The following TSHZ2 variants were observed in gnomAD, a reference collection of about 807,000 sequenced individuals.
TSHZ2 encodes teashirt homolog 2.
A neutral mutation model predicts 74.4 loss-of-function variants in TSHZ2; 21 were observed. The observed-to-expected ratio is 0.28, with a 90% CI of 0.20 to 0.41. The LOEUF is 0.41. Ranked by LOEUF, TSHZ2 falls within the 10% of genes least tolerant of loss-of-function variation. The probability of loss-of-function intolerance (pLI) is 1.00; values close to 1 mark genes in which losing one functional copy is unlikely to be tolerated. For synonymous variants in TSHZ2, 540 were observed against 515.3 expected (o/e 1.05, Z -0.65); for missense variants, 1,244 against 1,293.5 (o/e 0.96, Z 0.59).
intron 1 of TSHZ2, among the ~76,000 whole-genome samples, chr20:53,127,420 A>G (rs1159359787): frequency 6.6e-6 from 1 of 152,262 alleles, no homozygotes; most frequent in East Asian, 1.9e-4. Context: ...GAAAGAAGCT[A>G]TGGCTGGGCA....
intron 2 of TSHZ2, among the ~76,000 whole-genome samples, chr20:53,343,287 G>A (rs1980295662): frequency 1.3e-5 from 2 of 152,130 alleles, no homozygotes; most frequent in Non-Finnish European, 2.9e-5. Context: ...TTTCTAACAA[G>A]ACGGCAGGTG....
intron 1 of TSHZ2, among the ~76,000 whole-genome samples, chr20:53,158,217 A>G (rs1231972831): frequency 6.6e-6 from 1 of 152,196 alleles, no homozygotes; most frequent in African/African-American, 2.4e-5. Context: ...TGAGGAAGGC[A>G]AAAGTGGAAG....
chr20:53,242,423 C>A (rs2123697385), intron 1 of TSHZ2, among the ~76,000 whole-genome samples: 1 of 152,262 alleles, frequency 6.6e-6, no homozygotes, highest in South Asian at 2.1e-4. Context: ...TTAACTCATT[C>A]ACCCTGAAGT....
At chr20:53,068,879 T>C (rs1985079964) in intron 1 of TSHZ2, among the ~76,000 whole-genome samples, 1 of 151,988 alleles carries the variant, frequency 6.6e-6, no homozygotes. Context: ...TGTTGTTTTT[T>C]TTTTCCATAA....
At chr20:52,999,315 G>A (rs374999345) in intron 1 of TSHZ2, among the ~76,000 whole-genome samples, 111 of 152,310 alleles carry the variant, frequency 7.3e-4, no homozygotes, top group African/African-American at 2.6e-3. Context: ...CCTGCTCTCA[G>A]GGGACAGAAG....
At chr20:53,364,971 A>G (rs1981205026) in intron 2 of TSHZ2, among the ~76,000 whole-genome samples, 1 of 152,244 alleles carries the variant, frequency 6.6e-6, no homozygotes, top group African/African-American at 2.4e-5. Context: ...GCGTGGAGGC[A>G]CTAATGGCTG....
chr20:53,217,087 G>A (rs762372502), intron 1 of TSHZ2, among the ~76,000 whole-genome samples: 1 of 152,214 alleles, frequency 6.6e-6, no homozygotes, highest in African/African-American at 2.4e-5. Flanking sequence ...ATTCCAGAAA[G>A]TCACATTGCT....
At position 53,257,815 on chromosome 20, in the gene TSHZ2, C is replaced by T. The variant is rs553993495; in HGVS notation, c.*8+1244C>T. 8.5e-5 allele frequency among the ~76,000 whole-genome samples: 13 copies of T among 152,282 alleles called. 1 individual carries two copies. The South Asian group carries it at 2.3e-3, about 27-fold the overall frequency. Reference sequence around the variant, plus strand: ...TCCTAGTTAATTAGCTCTTAATTCACGATCGAATATGAAAAACTAATAACA... The same window carrying T: ...TCCTAGTTAATTAGCTCTTAATTCATGATCGAATATGAAAAACTAATAACA... On this transcript the variant is annotated intron_variant, in intron 2 of 2. Transcript: ENST00000371497.
chr20:53,254,014 G>A lies in TSHZ2; in HGVS notation c.556G>A (p.Val186Ile), dbSNP rs377066962. The A allele has an allele frequency of 1.6e-5, 26 of 1,613,994 alleles. No individual in the cohort carries two copies. The highest frequency in any genetic ancestry group is 4.0e-5 in the African/African-American group (3 of 74,908). Residue 186 changes from valine (V) to isoleucine (I), a missense_variant, in exon 2 of 3, where the codon GTC becomes ATC. By Grantham distance (29) the Val-to-Ile change is conservative. Coordinates refer to ENST00000371497, the MANE Select transcript of TSHZ2 (RefSeq NM_173485.6). Reference sequence around the variant, plus strand: ...GCAGCAGAACTTGCCTTCTCGGTCCGTCTCGAAACCCAGCCTGTTCAGCTC... The same window carrying A: ...GCAGCAGAACTTGCCTTCTCGGTCCATCTCGAAACCCAGCCTGTTCAGCTC... ...SLQQNLPSRS[V>I]SKPSLFSSVQ...
intron 1 of TSHZ2, among the ~76,000 whole-genome samples, chr20:53,049,164 G>A (rs546955490): frequency 5.3e-5 from 8 of 152,224 alleles, no homozygotes; most frequent in East Asian, 1.9e-4. Flanking sequence ...GATGAACATC[G>A]GCTATTGGTA....
rs893286726 is a variant in TSHZ2 at position 53,494,569 on chromosome 20, C to A, written c.*7434C>A. The A allele has an allele frequency of 6.6e-6, 1 of 151,508 alleles. No individual in the cohort carries two copies. The highest frequency in any genetic ancestry group is 1.5e-5 in the Non-Finnish European group (1 of 67,944). The allele number at this position is 151,508 out of a possible 1,614,324, so 9.4% of individuals were successfully genotyped here. A position where few individuals can be genotyped will look rare whatever the true frequency, so the allele number is the denominator to read the frequency against. ...ACAATTTTATCACTAGAAATAAATT[C>A]CGATGGTGGAAACGAAGAAAACCCT... On this transcript the variant is annotated 3_prime_UTR_variant, in exon 3 of 3. Coordinates refer to ENST00000371497, the MANE Select transcript of TSHZ2 (RefSeq NM_173485.6).
chr20:53,190,139 T>TATATATATATA (rs1568803578), intron 1 of TSHZ2, among the ~76,000 whole-genome samples: 5 of 49,386 alleles, frequency 1.0e-4, no homozygotes, highest in East Asian at 7.9e-4. Flanking sequence ...ATATATATAT[T>TATATATATATA]TTCTTAAATG....
At chr20:53,426,149 T>C (rs1258420017) in intron 2 of TSHZ2, among the ~76,000 whole-genome samples, 1 of 152,198 alleles carries the variant, frequency 6.6e-6, no homozygotes, top group Admixed American at 6.5e-5. Context: ...TATGACTTCA[T>C]GAAAGGGTTG....
intron 2 of TSHZ2, among the ~76,000 whole-genome samples, chr20:53,321,397 A>G (rs1233901515): frequency 6.6e-6 from 1 of 152,046 alleles, no homozygotes; most frequent in Non-Finnish European, 1.5e-5. Context: ...GCTTTATAGA[A>G]ATTCCTTGTC....
chr20:53,340,643 C>T (rs1478264903), intron 2 of TSHZ2, among the ~76,000 whole-genome samples: 1 of 152,168 alleles, frequency 6.6e-6, no homozygotes, highest in Non-Finnish European at 1.5e-5. Context: ...ATGAAGGATC[C>T]CCATGTAGCC....
intron 2 of TSHZ2, among the ~76,000 whole-genome samples, chr20:53,336,819 T>G (rs1049825017): frequency 1.3e-5 from 2 of 152,174 alleles, no homozygotes; most frequent in Admixed American, 1.3e-4. Flanking sequence ...ATTATATATA[T>G]GAATAGATGT....
Position 53,255,733 on chromosome 20 carries a change from G to C in TSHZ2, c.2275G>C (p.Glu759Gln). Residue 759 changes from glutamate to glutamine, a missense_variant, in exon 2 of 3, where the codon GAG (glutamate) becomes CAG (glutamine). Physicochemically the swap from Glu to Gln is conservative, Grantham distance 29. This residue lies in a region of TSHZ2 where 562 missense variants were observed against 544.0 expected (regional missense o/e 1.03). Coordinates refer to ENST00000371497, the MANE Select transcript of TSHZ2 (RefSeq NM_173485.6). This position sits in a 1 kb window ranked among gnomAD's most constrained non-coding sequence, Gnocchi z 4.1. ...CAGCGTGTCCAGGCGCTACCTGTTT[G>C]AGAACAGCGATCAGCCCATTGACCT... ...SASVSRRYLF[E>Q]NSDQPIDLTK... is the part of the protein sequence containing the mutation. The C allele has an allele frequency of 6.2e-7, 1 of 1,613,058 alleles. No homozygotes were observed. Among genetic ancestry groups the C allele is most frequent in the Non-Finnish European group, 8.5e-7 (1 of 1,179,550 alleles).
At chr20:53,142,681 GC>G (rs1987433256) in intron 1 of TSHZ2, among the ~76,000 whole-genome samples, 1 of 152,160 alleles carries the variant, frequency 6.6e-6, no homozygotes, top group Admixed American at 6.5e-5. Context: ...TACATTGGCA[GC>G]CTCTGAGCTG....
At chr20:53,402,076 C>T (rs1416128999) in intron 2 of TSHZ2, among the ~76,000 whole-genome samples, 1 of 152,180 alleles carries the variant, frequency 6.6e-6, no homozygotes, top group African/African-American at 2.4e-5. Flanking sequence ...AGCCACCGTG[C>T]CCAGCCATAT....
Sources: gnomAD v4.1 joint callset for allele counts (sites outside exome capture counted in the v4.1 genomes callset) on GRCh38, gnomAD v4.1.1 for gene constraint, gnomAD v4.1.1 regional missense constraint, Gnocchi (gnomAD v3.1) non-coding constraint, MANE v1.5 for transcripts, NCBI Gene and HGNC (gene_info 2026-07-23, HGNC 2026-07-21) for gene names.